Variants in DPP6 observed in about 807,000 individuals in gnomAD.
DPP6 encodes the protein A-type potassium channel modulatory protein DPP6.
Under a neutral mutation model 122.6 loss-of-function variants are expected in DPP6, and 69 were observed. The observed-to-expected ratio is 0.56, with a 90% CI of 0.46 to 0.69. DPP6 has a LOEUF of 0.69. Among genes scored for constraint, DPP6 ranks in the 30% least tolerant of loss-of-function variants. The probability of loss-of-function intolerance (pLI) is 0.00; values close to 1 mark genes in which losing one functional copy is unlikely to be tolerated. For synonymous variants in DPP6, 418 were observed against 433.1 expected, an observed-to-expected ratio of 0.97 and a Z score of 0.43; for missense variants, 928 against 1,116.9, an observed-to-expected ratio of 0.83 and a Z score of 2.41.
At chr7:154,116,224 A>C (rs182526273) in intron 1 of DPP6, among the ~76,000 whole-genome samples, 493 of 152,368 alleles carry the variant, frequency 3.2e-3, no homozygotes, top group Non-Finnish European at 5.8e-3. Context: ...GAAAAATTTC[A>C]TAAAGAGTGG....
intron 1 of DPP6, among the ~76,000 whole-genome samples, chr7:154,265,279 AATG>A (rs1160177801): frequency 6.6e-6 from 1 of 151,880 alleles, no homozygotes; most frequent in Non-Finnish European, 1.5e-5. Context: ...TGATGGTCAT[AATG>A]ATGATGATGG....
At chr7:154,674,141 G>A (rs535618424) in intron 7 of DPP6, among the ~76,000 whole-genome samples, 81 of 152,236 alleles carry the variant, frequency 5.3e-4, no homozygotes, top group African/African-American at 1.8e-3. Context: ...CTCCCAAAGT[G>A]CTGGGATTAT....
At chr7:153,775,219 C>G in the DPP6 span, among the ~76,000 whole-genome samples, 1 of 144,190 alleles carries the variant, frequency 6.9e-6, no homozygotes, top group Non-Finnish European at 1.5e-5. Flanking sequence ...CAAGTTTGTT[C>G]CAAGCATGCA....
chr7:154,320,651 A>G (rs868112690), intron 1 of DPP6, among the ~76,000 whole-genome samples: 1 of 152,002 alleles, frequency 6.6e-6, no homozygotes. Context: ...TGGCCAGCTA[A>G]TTTTTTGTAC....
intron 4 of DPP6, among the ~76,000 whole-genome samples, chr7:154,543,350 A>T (rs1828883766): frequency 6.6e-6 from 1 of 152,206 alleles, no homozygotes; most frequent in African/African-American, 2.4e-5. Context: ...CGAGCCAATA[A>T]AAACAGACCC....
chr7:153,869,370 CTCT>C, the DPP6 span, among the ~76,000 whole-genome samples: 2 of 152,294 alleles, frequency 1.3e-5, no homozygotes, highest in African/African-American at 2.4e-5. Flanking sequence ...GGATAGTTAG[CTCT>C]TCTTGTTGAA....
intron 1 of DPP6, among the ~76,000 whole-genome samples, chr7:154,167,299 G>A (rs867680540): frequency 1.3e-5 from 2 of 152,298 alleles, no homozygotes; most frequent in South Asian, 2.1e-4. Context: ...ATCATTCTAG[G>A]CTTCAGAGCT....
chr7:154,775,344 C>G (rs142612580), intron 10 of DPP6, among the ~76,000 whole-genome samples: 1 of 152,192 alleles, frequency 6.6e-6, no homozygotes, highest in African/African-American at 2.4e-5. Flanking sequence ...TTCCTCCAAT[C>G]GTTCCATCTT....
At chr7:153,785,639 CTA>C in the DPP6 span, among the ~76,000 whole-genome samples, 1 of 152,024 alleles carries the variant, frequency 6.6e-6, no homozygotes, top group Non-Finnish European at 1.5e-5. Context: ...GAAATGGGTA[CTA>C]TATATATACT....
Position 153,972,225 on chromosome 7 carries a change from T to C in DPP6, c.51+84491T>C, listed in dbSNP as rs1255883499. 2.7e-5 allele frequency among the ~76,000 whole-genome samples: 4 copies of C among 150,612 alleles called. No homozygotes were observed. The East Asian group carries it at 8.1e-4, about 30-fold the overall frequency. On this transcript the variant is annotated intron_variant, in intron 1 of 25. Transcript: ENST00000404039. ...CTCTAGGAGGAGTGAAGGACAGAAA[T>C]GGCAAGCCCTAGGTAGCGCATGAGG...
At chr7:153,765,640 T>C in the DPP6 span, among the ~76,000 whole-genome samples, 1 of 151,882 alleles carries the variant, frequency 6.6e-6, no homozygotes. Flanking sequence ...ATCAGGAGGA[T>C]GTATTTTGGT....
At chr7:153,938,036 G>A (rs1801538049) in intron 1 of DPP6, among the ~76,000 whole-genome samples, 1 of 152,106 alleles carries the variant, frequency 6.6e-6, no homozygotes, top group Admixed American at 6.5e-5. Context: ...CTCTGAGACA[G>A]GGGCAAGAAG....
chr7:154,276,230 A>AT, intron 1 of DPP6, among the ~76,000 whole-genome samples: 1 of 152,304 alleles, frequency 6.6e-6, no homozygotes, highest in East Asian at 1.9e-4. Flanking sequence ...TTAGAAAAAA[A>AT]GCCACTTTGA....
At chr7:154,450,429 A>G (rs1820259297) in intron 2 of DPP6, among the ~76,000 whole-genome samples, 1 of 152,230 alleles carries the variant, frequency 6.6e-6, no homozygotes, top group Non-Finnish European at 1.5e-5. Context: ...TGTGAATTTC[A>G]TCTCTATTAA....
intron 2 of DPP6, among the ~76,000 whole-genome samples, chr7:154,451,361 CAA>C (rs397890050): frequency 0.32 from 39,535 of 121,998 alleles, 6,678 homozygotes; most frequent in African/African-American, 0.49. Flanking sequence ...CCTGTCTCAC[CAA>C]AAAAAAAAAA....
At chr7:154,616,587 G>T (rs1834274167) in intron 5 of DPP6, among the ~76,000 whole-genome samples, 1 of 152,122 alleles carries the variant, frequency 6.6e-6, no homozygotes, top group Non-Finnish European at 1.5e-5. Flanking sequence ...GTGACTCTCG[G>T]GCGCGAGCGA....
chr7:154,052,229 C>T (rs1433482282), upstream of DPP6, among the ~76,000 whole-genome samples: 1 of 152,018 alleles, frequency 6.6e-6, no homozygotes, highest in African/African-American at 2.4e-5. This position sits in a 1 kb window ranked among gnomAD's most constrained non-coding sequence, Gnocchi z 4.8. Flanking sequence ...TCTTCACGCA[C>T]CCTCGCACCC....
intron 3 of DPP6, among the ~76,000 whole-genome samples, chr7:154,513,349 G>C (rs1826229544): frequency 6.6e-6 from 1 of 152,188 alleles, no homozygotes; most frequent in African/African-American, 2.4e-5. Context: ...GCTAGAGGAG[G>C]CTTTACCAGA....
chr7:154,502,769 C>T (rs1825359830), intron 3 of DPP6, among the ~76,000 whole-genome samples: 2 of 152,120 alleles, frequency 1.3e-5, no homozygotes, highest in African/African-American at 4.8e-5. Context: ...GGAGACTGAA[C>T]TCTATTTTGT....
Sources: gnomAD v4.1 joint callset for allele counts (sites outside exome capture counted in the v4.1 genomes callset) on GRCh38, gnomAD v4.1.1 for gene constraint, Gnocchi (gnomAD v3.1) non-coding constraint, MANE v1.5 for transcripts, NCBI Gene and HGNC (gene_info 2026-07-23, HGNC 2026-07-21) for gene names.